ANO10: variants seen among roughly 807,000 people sequenced by gnomAD.
ANO10 encodes anoctamin 10, also known as anoctamin-10.
A neutral mutation model predicts 74.7 loss-of-function variants in ANO10; 77 were observed. The observed-to-expected ratio is 1.03, with a 90% CI of 0.86 to 1.25. The LOEUF is 1.25. Among genes scored for constraint, ANO10 ranks in the 50% most tolerant of loss-of-function variants. The pLI, the probability that ANO10 is intolerant of heterozygous loss-of-function variation, is 0.00. For missense variants in ANO10, 721 were observed against 778.1 expected (o/e 0.93, Z 0.87); for synonymous variants, 279 against 284.9 (o/e 0.98, Z 0.21).
chr3:43,425,634 T>C (rs1458565110), intron 12 of ANO10, among the ~76,000 whole-genome samples: 1 of 151,962 alleles, frequency 6.6e-6, no homozygotes, highest in Non-Finnish European at 1.5e-5. Flanking sequence ...CCACCAGCAT[T>C]AACATTAAAA....
intron 1 of ANO10, among the ~76,000 whole-genome samples, chr3:43,670,750 G>A (rs1226849923): frequency 1.3e-5 from 2 of 152,246 alleles, no homozygotes; most frequent in East Asian, 3.9e-4. Flanking sequence ...TAGCACAGTG[G>A]TTACTGTTCC....
intron 11 of ANO10, among the ~76,000 whole-genome samples, chr3:43,541,586 T>A (rs1016431073): frequency 6.6e-6 from 1 of 152,236 alleles, no homozygotes; most frequent in African/African-American, 2.4e-5. Context: ...AATTAATTCT[T>A]AAGTAATTGG....
intron 12 of ANO10, among the ~76,000 whole-genome samples, chr3:43,371,194 A>T (rs1312395947): frequency 6.6e-6 from 1 of 152,002 alleles, no homozygotes; most frequent in African/African-American, 2.4e-5. Flanking sequence ...AGACCTACAG[A>T]AGGAATCTGT....
intron 11 of ANO10, among the ~76,000 whole-genome samples, chr3:43,438,599 T>C (rs1374240418): frequency 6.6e-6 from 1 of 152,068 alleles, no homozygotes; most frequent in African/African-American, 2.4e-5. Flanking sequence ...ACAAAAAATT[T>C]AGCTGGGCGT....
chr3:43,690,423 C>T lies in ANO10; in HGVS notation c.-12+1094G>A, dbSNP rs1327483112. ...TGGGAGGGAAATTGCTGGCTCTGGC[C>T]ACTACAGTAACATCAGCACCTAGAG... is the stretch of plus-strand genomic sequence containing the variant. On this transcript the variant is annotated intron_variant, in intron 1 of 3. Coordinates refer to the ANO10 transcript ENST00000413397. 2.0e-5 allele frequency: 3 copies of T among 152,426 alleles called. No individual in the cohort carries two copies. The East Asian group carries it at 5.8e-4, about 29-fold the overall frequency. The allele number at this position is 152,426 out of a possible 1,614,324, so 9.4% of individuals were successfully genotyped here. A position where few individuals can be genotyped will look rare whatever the true frequency, so the allele number is the denominator to read the frequency against.
At chr3:43,631,273 G>C (rs542477477) in intron 1 of ANO10, among the ~76,000 whole-genome samples, 2 of 152,302 alleles carry the variant, frequency 1.3e-5, no homozygotes, top group South Asian at 4.1e-4. Flanking sequence ...CCTCATTTGA[G>C]ATCTGCAACC....
At chr3:43,458,247 T>G (rs2075225775) in intron 11 of ANO10, among the ~76,000 whole-genome samples, 1 of 152,118 alleles carries the variant, frequency 6.6e-6, no homozygotes, top group Admixed American at 6.5e-5. Context: ...CCCCCTGCAA[T>G]GGAGACCACT....
chr3:43,435,846 C>T (rs2093058349), intron 11 of ANO10, among the ~76,000 whole-genome samples: 1 of 152,170 alleles, frequency 6.6e-6, no homozygotes, highest in Non-Finnish European at 1.5e-5. Context: ...CCACCCCTAC[C>T]CCTACCCCTA....
At chr3:43,691,315 C>T (rs2084376333) in intron 1 of ANO10, 4 of 320,570 alleles carry the variant, frequency 1.2e-5, no homozygotes, top group South Asian at 1.4e-4. Context: ...GGAGGGTCCG[C>T]CCCGTTGTTG....
intron 6 of ANO10, 111 bp downstream of exon 6, chr3:43,576,581 G>T: frequency 2.6e-6 from 3 of 1,160,646 alleles, no homozygotes; most frequent in Non-Finnish European, 2.5e-6. Flanking sequence ...TCTATAATGA[G>T]CCAAGAGCAA....
intron 11 of ANO10, among the ~76,000 whole-genome samples, chr3:43,442,963 A>T (rs1428776712): frequency 6.6e-6 from 1 of 152,032 alleles, no homozygotes; most frequent in Non-Finnish European, 1.5e-5. Context: ...GCATCACAAA[A>T]TGTGTGCCTC....
chr3:43,565,512 T>A, intron 8 of ANO10, 141 bp downstream of exon 8: 1 of 774,016 alleles, frequency 1.3e-6, no homozygotes, highest in South Asian at 1.8e-5. Flanking sequence ...AATAATTTTT[T>A]ATTTAGAATT....
chr3:43,452,265 A>G (rs767375470), intron 11 of ANO10, among the ~76,000 whole-genome samples: 18 of 152,232 alleles, frequency 1.2e-4, no homozygotes, highest in Middle Eastern at 3.2e-3. Context: ...AGTTTGTGCA[A>G]CTATCACCAC....
chr3:43,550,720 A>C (rs1559684710), intron 10 of ANO10, among the ~76,000 whole-genome samples: 1 of 152,158 alleles, frequency 6.6e-6, no homozygotes, highest in Non-Finnish European at 1.5e-5. Flanking sequence ...GAAATCTAAG[A>C]CTGTCTTTAC....
chr3:43,508,109 A>C lies in ANO10; in HGVS notation c.1797+41611T>G, dbSNP rs553308644. ...GAAGGTAGAGAATAAAAAAAGAATA[A>C]AAATAATTAAAACAGAAAAATGCTC... On this transcript the variant is annotated intron_variant, in intron 11 of 12. Transcript: ENST00000292246. Among the ~76,000 whole-genome samples, 5 of 152,294 alleles carry C rather than the reference A, an allele frequency of 3.3e-5. No homozygotes were observed. In the South Asian group the frequency reaches 1.0e-3, roughly 32 times the overall value.
chr3:43,390,272 C>T (rs748083553), intron 12 of ANO10, among the ~76,000 whole-genome samples: 6 of 152,180 alleles, frequency 3.9e-5, no homozygotes, highest in Non-Finnish European at 7.3e-5. Flanking sequence ...TCTACAGCTC[C>T]CTCCCCTCCT....
At chr3:43,574,680 T>C in intron 7 of ANO10, 129 bp downstream of exon 7, 1 of 750,254 alleles carries the variant, frequency 1.3e-6, no homozygotes, top group Non-Finnish European at 2.3e-6. Flanking sequence ...TATTAATCAA[T>C]CCTTGCCTAT....
At chr3:43,420,859 G>C (rs569359936) in intron 12 of ANO10, among the ~76,000 whole-genome samples, 1 of 152,290 alleles carries the variant, frequency 6.6e-6, no homozygotes, top group South Asian at 2.1e-4. Flanking sequence ...CTTCCAAAAA[G>C]CTTCTTGTCT....
chr3:43,376,025 C>T (rs1441387907), intron 12 of ANO10, among the ~76,000 whole-genome samples: 1 of 152,200 alleles, frequency 6.6e-6, no homozygotes, highest in African/African-American at 2.4e-5. Flanking sequence ...CTTGGTGGTT[C>T]ATTGCTGTGT....
Sources: gnomAD v4.1 joint callset for allele counts (sites outside exome capture counted in the v4.1 genomes callset) on GRCh38, gnomAD v4.1.1 for gene constraint, MANE v1.5 for transcripts, NCBI Gene and HGNC (gene_info 2026-07-23, HGNC 2026-07-21) for gene names.